Variants in HOXB6 observed in about 807,000 individuals in gnomAD.
HOXB6 encodes homeobox protein Hox-B6.
HOXB6 carries 18 observed loss-of-function variants against 24.2 expected under a neutral mutation model. That is an observed-to-expected ratio of 0.74 (90% confidence interval 0.51 to 1.10). HOXB6 has a LOEUF of 1.10. Among genes scored for constraint, HOXB6 ranks in the 50% least tolerant of loss-of-function variants. The pLI is 0.00. For synonymous variants in HOXB6, 159 were observed against 139.1 expected (o/e 1.14, Z -1.01); for missense variants, 332 against 308.3 (o/e 1.08, Z -0.58).
chr17:48,599,183 T>C (rs2070396361), intron 2 of HOXB6, among the ~76,000 whole-genome samples: 1 of 152,192 alleles, frequency 6.6e-6, no homozygotes, highest in South Asian at 2.1e-4. Context: ...GTCTGATCCC[T>C]ATCCTGCCTG....
intron 2 of HOXB6, chr17:48,602,230 C>A (rs1031105692): frequency 4.6e-5 from 21 of 456,010 alleles, no homozygotes; most frequent in African/African-American, 3.8e-4. Flanking sequence ...GAACACAGAC[C>A]CGGTTTGTCT....
chr17:48,601,712 A>C (rs1294612440), intron 2 of HOXB6: 1 of 184,870 alleles, frequency 5.4e-6, no homozygotes, highest in African/African-American at 2.4e-5. Context: ...CAGGCCCCTT[A>C]ACCTCGTCAG....
intron 2 of HOXB6, chr17:48,602,050 C>A (rs1206401425): frequency 2.2e-6 from 1 of 453,906 alleles, no homozygotes; most frequent in Non-Finnish European, 4.4e-6. Context: ...GTCCCACTAC[C>A]AAATTTTTCC....
Position 48,595,796 on chromosome 17 carries a change from ATTAT to A in HOXB6, c.*613_*616del, listed in dbSNP as rs1395124437. 1 of 198,838 alleles carries A rather than the reference ATTAT, an allele frequency of 5.0e-6. No homozygotes were observed. Among genetic ancestry groups the A allele is most frequent in the Non-Finnish European group, 1.0e-5 (1 of 95,438 alleles). 12.3% of individuals were successfully genotyped at this position (198,838 alleles called of 1,614,324 possible). A position where few individuals can be genotyped will look rare whatever the true frequency, so the allele number is the denominator to read the frequency against. Reference sequence around the variant, plus strand: ...TATTGTTGTTGTTGTTGTTATTATTATTATTATTATCATCATCATCATCATCATC... The same window carrying A: ...TATTGTTGTTGTTGTTGTTATTATTATATTATCATCATCATCATCATCATC... On this transcript the variant is annotated 3_prime_UTR_variant, in exon 4 of 4. Transcript: ENST00000225648.
rs1480952472 is a variant in HOXB6 at position 48,598,142 on chromosome 17, G to A, written c.9C>T (p.Ser3=). MS[S]YFVNSTFPVT... ...CGGGGAAGGTGGAGTTCACGAAATA[G>A]GAACTCATTGGGAGGGGAGGCGCGC... The change falls in exon 3 of 4, where the codon TCC becomes TCT. Residue 3 remains serine, a synonymous_variant. Transcript: ENST00000225648. The A allele has an allele frequency of 1.3e-6, 2 of 1,586,020 alleles. No homozygotes were observed. Among genetic ancestry groups the A allele is most frequent in the Non-Finnish European group, 1.7e-6 (2 of 1,161,446 alleles).
intron 3 of HOXB6, among the ~76,000 whole-genome samples, chr17:48,597,380 A>G (rs2070330601): frequency 6.6e-6 from 1 of 151,952 alleles, no homozygotes; most frequent in South Asian, 2.1e-4. Context: ...TGGTTGGGGA[A>G]CCCTACCAGG....
rs375075188 is a variant in HOXB6, at chr17:48,595,787, G to GTTATTATTA, written c.*617_*625dup. 0.029 allele frequency: 5,085 copies of GTTATTATTA among 172,460 alleles called. 110 individuals are homozygous for GTTATTATTA. The highest frequency in any genetic ancestry group is 0.063 in the African/African-American group (2,428 of 38,834). The allele number at this position is 172,460 out of a possible 1,614,324, so 10.7% of individuals were successfully genotyped here. A position where few individuals can be genotyped will look rare whatever the true frequency, so the allele number is the denominator to read the frequency against. ...CATCTTTATTATTGTTGTTGTTGTT[G>GTTATTATTA]TTATTATTATTATTATTATCATCAT... On this transcript the variant is annotated 3_prime_UTR_variant, in exon 4 of 4. Transcript: ENST00000225648.
chr17:48,600,876 G>A (rs1287242848), intron 2 of HOXB6, among the ~76,000 whole-genome samples: 4 of 152,182 alleles, frequency 2.6e-5, no homozygotes, highest in Non-Finnish European at 5.9e-5. Context: ...TCTATGCTGT[G>A]AGTCTGCAGT....
chr17:48,596,358 C>A lies in HOXB6; in HGVS notation c.*55G>T. The A allele has an allele frequency of 6.2e-7, 1 of 1,613,578 alleles. No homozygotes were observed. The highest frequency in any genetic ancestry group is 8.5e-7 in the Non-Finnish European group (1 of 1,179,650). ...CCTTCCTTCCCGGGTCTCTCTGACG[C>A]CCTCGGCTCCCCACAGGCCTTTCCC... On this transcript the variant is annotated 3_prime_UTR_variant, in exon 4 of 4. Transcript: ENST00000225648. The surrounding 1 kb of genome is among the most constrained non-coding windows in gnomAD (Gnocchi z 4.8).
chr17:48,596,544 C>A lies in HOXB6; in HGVS notation c.544G>T (p.Ala182Ser). ...ATCTGCCTCTCCGTCAGGCACAGGGCGTGCGCGATCTCGATGCGCCGCCGC... is the reference window on the plus strand; with the variant it reads ...ATCTGCCTCTCCGTCAGGCACAGGGAGTGCGCGATCTCGATGCGCCGCCGC... ...TRRRRIEIAH[A>S]LCLTERQIKI... The change falls in exon 4 of 4, where the codon GCC becomes TCC. Residue 182 changes from alanine (A) to serine (S), a missense_variant. Physicochemically the swap from Ala to Ser is moderately conservative, Grantham distance 99 (BLOSUM62 1). Coordinates refer to ENST00000225648, the MANE Select transcript of HOXB6 (RefSeq NM_018952.5). This position sits in a 1 kb window ranked among gnomAD's most constrained non-coding sequence, Gnocchi z 4.8. 6.2e-7 allele frequency: 1 copy of A among 1,614,248 alleles called. No individual in the cohort carries two copies. Among genetic ancestry groups the A allele is most frequent in the Non-Finnish European group, 8.5e-7 (1 of 1,180,046 alleles).
intron 2 of HOXB6, among the ~76,000 whole-genome samples, chr17:48,601,020 G>GTGTGGT (rs58902230): frequency 5.3e-5 from 5 of 94,860 alleles, no homozygotes; most frequent in Admixed American, 3.1e-4. Flanking sequence ...GTGTGTGTGT[G>GTGTGGT]GTGTGGTGTG....
chr17:48,604,563 A>G lies in HOXB6; in HGVS notation c.-162T>C, dbSNP rs900743999. On this transcript the variant is annotated 5_prime_UTR_variant, in exon 2 of 4. Coordinates refer to ENST00000225648, the MANE Select transcript of HOXB6 (RefSeq NM_018952.5). ...GGAAGGAGTATTCAGTTTCTTCTTC[A>G]GCTTCCAGATAATATTGTCCCAACG... 6 of 152,652 alleles carry G rather than the reference A, an allele frequency of 3.9e-5. No individual in the cohort carries two copies. Among genetic ancestry groups the G allele is most frequent in the Admixed American group, 3.3e-4 (5 of 15,286 alleles). 9.5% of individuals were successfully genotyped at this position (152,652 alleles called of 1,614,324 possible).
At position 48,596,273 on chromosome 17, in the gene HOXB6, AG is replaced by A; in HGVS notation, c.*139del. The A allele has an allele frequency of 7.4e-7, 1 of 1,345,426 alleles. No individual in the cohort carries two copies. Among genetic ancestry groups the A allele is most frequent in the Non-Finnish European group, 1.1e-6 (1 of 945,970 alleles). 83.3% of individuals were successfully genotyped at this position (1,345,426 alleles called of 1,614,324 possible). A position where few individuals can be genotyped will look rare whatever the true frequency, so the allele number is the denominator to read the frequency against. On this transcript the variant is annotated 3_prime_UTR_variant, in exon 4 of 4. Coordinates refer to ENST00000225648, the MANE Select transcript of HOXB6 (RefSeq NM_018952.5). This position sits in a 1 kb window ranked among gnomAD's most constrained non-coding sequence, Gnocchi z 4.8. Reference sequence around the variant, plus strand: ...CTGTGCGGGCGGGGGCGTCCAGGAGAGCGCTGGGCCCCGCCTGTCTGCGCCG... The same window carrying A: ...CTGTGCGGGCGGGGGCGTCCAGGAGACGCTGGGCCCCGCCTGTCTGCGCCG...
Position 48,597,726 on chromosome 17 carries a change from T to C in HOXB6, c.415+10A>G, listed in dbSNP as rs1388464324. 1 of 1,611,878 alleles carries C rather than the reference T, an allele frequency of 6.2e-7. No individual in the cohort carries two copies. Among genetic ancestry groups the C allele is most frequent in the Non-Finnish European group, 8.5e-7 (1 of 1,179,210 alleles). Reference sequence around the variant, plus strand: ...GAGCCGGGGCGACGGCGACGGGAAGTCTCACTCACTGTTGCACGAATTCAT... The same window carrying C: ...GAGCCGGGGCGACGGCGACGGGAAGCCTCACTCACTGTTGCACGAATTCAT... On this transcript the variant is annotated intron_variant, in intron 3 of 3. Transcript: ENST00000225648.
intron 2 of HOXB6, chr17:48,600,477 G>A (rs751535526): frequency 4.4e-6 from 2 of 456,010 alleles, no homozygotes; most frequent in South Asian, 3.1e-5. Flanking sequence ...GCCACTACAG[G>A]CGGGCCTGGG....
rs552230381 is a variant in HOXB6, at chr17:48,598,163, C to T, written c.-13G>A. On this transcript the variant is annotated 5_prime_UTR_variant, in exon 3 of 4. Transcript: ENST00000225648. ...AATAGGAACTCATTGGGAGGGGAGG[C>T]GCGCGCGGCCGCTGCTGCTCCGCCG... 1 of 1,562,158 alleles carries T rather than the reference C, an allele frequency of 6.4e-7. No homozygotes were observed. The highest frequency in any genetic ancestry group is 8.7e-7 in the Non-Finnish European group (1 of 1,150,912).
chr17:48,598,404 T>A, intron 2 of HOXB6, 176 bp from the exon 3 acceptor site: 1 of 316,502 alleles, frequency 3.2e-6, no homozygotes, highest in Non-Finnish European at 5.1e-6. Flanking sequence ...CACAAACCTA[T>A]CAACCTTTTT....
In HOXB6 at chr17:48,596,486, C is replaced by G; in HGVS notation, c.602G>C (p.Trp201Ser). ...GCTGAGCAGTTTGCTCTCCTTTTTC[C>G]ACTTCATGCGTCGGTTCTGGAACCA... ...KIWFQNRRMK[W>S]KKESKLLSAS... The change falls in exon 4 of 4, where the codon TGG becomes TCG. Residue 201 changes from tryptophan (W) to serine (S), a missense_variant. Coordinates refer to ENST00000225648, the MANE Select transcript of HOXB6 (RefSeq NM_018952.5). This position sits in a 1 kb window ranked among gnomAD's most constrained non-coding sequence, Gnocchi z 4.8. 1 of 1,614,266 alleles carries G rather than the reference C, an allele frequency of 6.2e-7. No individual in the cohort carries two copies. Among genetic ancestry groups the G allele is most frequent in the Non-Finnish European group, 8.5e-7 (1 of 1,180,058 alleles).
chr17:48,603,117 GA>G (rs2070509034), intron 2 of HOXB6, among the ~76,000 whole-genome samples: 1 of 152,224 alleles, frequency 6.6e-6, no homozygotes, highest in East Asian at 1.9e-4. Context: ...CCAGAGGCCC[GA>G]GGCTGAATGT....
Sources: gnomAD v4.1 joint callset for allele counts (sites outside exome capture counted in the v4.1 genomes callset) on GRCh38, gnomAD v4.1.1 for gene constraint, Gnocchi (gnomAD v3.1) non-coding constraint, MANE v1.5 for transcripts, NCBI Gene and HGNC (gene_info 2026-07-23, HGNC 2026-07-21) for gene names.